CLASP2: variants seen among roughly 807,000 people sequenced by gnomAD.
CLASP2 encodes cytoplasmic linker associated protein 2.
CLASP2 carries 47 observed loss-of-function variants against 194.4 expected under a neutral mutation model. The ratio of observed to expected loss-of-function variants is 0.24; its 90% confidence interval spans 0.19 to 0.31. The LOEUF is 0.31. CLASP2 is among the 10% of genes least tolerant of loss of function. The probability of loss-of-function intolerance (pLI) is 1.00; values close to 1 mark genes in which losing one functional copy is unlikely to be tolerated. For synonymous variants in CLASP2, 619 were observed against 633.5 expected, an observed-to-expected ratio of 0.98 and a Z score of 0.34; for missense variants, 1,445 against 1,823.6, an observed-to-expected ratio of 0.79 and a Z score of 3.78.
intron 38 of CLASP2, among the ~76,000 whole-genome samples, chr3:33,499,517 T>C (rs1451869221): frequency 6.6e-6 from 1 of 151,898 alleles, no homozygotes; most frequent in South Asian, 2.1e-4. Context: ...GCCTGGCTAA[T>C]TTTTTATATT....
chr3:33,578,582 G>A (rs1040544397), intron 23 of CLASP2, among the ~76,000 whole-genome samples: 1 of 152,150 alleles, frequency 6.6e-6, no homozygotes, highest in Non-Finnish European at 1.5e-5. Context: ...CTAAGAGAAT[G>A]CTGCACAAAA....
intron 34 of CLASP2, among the ~76,000 whole-genome samples, chr3:33,529,580 T>A (rs573642914): frequency 6.6e-5 from 10 of 152,320 alleles, no homozygotes; most frequent in African/African-American, 2.4e-4. Flanking sequence ...TTTTTAAAAA[T>A]TTTTAAACTT....
intron 2 of CLASP2, among the ~76,000 whole-genome samples, chr3:33,690,638 T>C (rs1341829188): frequency 1.3e-5 from 2 of 152,196 alleles, no homozygotes; most frequent in Non-Finnish European, 2.9e-5. Flanking sequence ...CATGGCCAAC[T>C]GTGGTCTGAA....
chr3:33,526,016 G>A (rs758824371), intron 34 of CLASP2, among the ~76,000 whole-genome samples: 4 of 152,106 alleles, frequency 2.6e-5, no homozygotes, highest in Non-Finnish European at 4.4e-5. Flanking sequence ...ACCAGGGGGC[G>A]GAAGGGATTC....
intron 8 of CLASP2, 86 bp downstream of exon 8, chr3:33,644,671 A>C: frequency 2.8e-6 from 4 of 1,436,286 alleles, no homozygotes; most frequent in Non-Finnish European, 2.9e-6. Context: ...GTCATGAATA[A>C]ACATATTCCT....
intron 6 of CLASP2, among the ~76,000 whole-genome samples, chr3:33,679,753 A>C (rs1465846353): frequency 6.6e-6 from 1 of 152,218 alleles, no homozygotes; most frequent in Non-Finnish European, 1.5e-5. Context: ...GAGAATGTGA[A>C]GCAATAGGAA....
chr3:33,578,846 A>G (rs1196564339), intron 23 of CLASP2, among the ~76,000 whole-genome samples: 1 of 152,206 alleles, frequency 6.6e-6, no homozygotes, highest in Non-Finnish European at 1.5e-5. Flanking sequence ...CATGGAAACT[A>G]AAGGTGCAAG....
chr3:33,684,318 TG>T, intron 6 of CLASP2, 40 bp downstream of exon 6: 1 of 1,049,790 alleles, frequency 9.5e-7, no homozygotes, highest in Non-Finnish European at 1.4e-6. Flanking sequence ...TTAAAACTAG[TG>T]GTGAAAAAAA....
chr3:33,531,865 A>G (rs1437108276), intron 34 of CLASP2, among the ~76,000 whole-genome samples: 1 of 152,188 alleles, frequency 6.6e-6, no homozygotes, highest in Non-Finnish European at 1.5e-5. Context: ...AACAGCAACA[A>G]TGAAATAACT....
At chr3:33,636,241 G>A (rs956587800) in intron 8 of CLASP2, among the ~76,000 whole-genome samples, 1 of 152,096 alleles carries the variant, frequency 6.6e-6, no homozygotes, top group Non-Finnish European at 1.5e-5. Flanking sequence ...CAACAGAAGA[G>A]GGCCCTCTTA....
At chr3:33,591,730 A>G (rs2068845317) in intron 21 of CLASP2, among the ~76,000 whole-genome samples, 1 of 152,248 alleles carries the variant, frequency 6.6e-6, no homozygotes, top group African/African-American at 2.4e-5. Context: ...TGCTTATGAC[A>G]AACTCAGCTT....
chr3:33,573,148 T>C lies in CLASP2; in HGVS notation c.2661A>G (p.Leu887=). The C allele has an allele frequency of 6.2e-7, 1 of 1,613,754 alleles. No individual in the cohort carries two copies. Among genetic ancestry groups the C allele is most frequent in the Non-Finnish European group, 8.5e-7 (1 of 1,179,754 alleles). ...GATTTTTTAATAAGTTCTGCAGACC[T>C]AGGAGGCCTTCTTTCCTTTCTGACC... ...SNWSERKEGL[L]GLQNLLKNQR... is the part of the protein sequence containing the mutation. The change falls in exon 25 of 39, where the codon CTA becomes CTG. Residue 887 remains leucine, a synonymous_variant. Coordinates refer to ENST00000682230, the MANE Select transcript of CLASP2 (RefSeq NM_001365631.1).
chr3:33,640,747 T>C (rs1319133970), intron 8 of CLASP2, among the ~76,000 whole-genome samples: 1 of 152,046 alleles, frequency 6.6e-6, no homozygotes, highest in Non-Finnish European at 1.5e-5. Flanking sequence ...GATACAGGAA[T>C]AGGGATATTA....
At chr3:33,635,901 C>T (rs1466325266) in intron 8 of CLASP2, among the ~76,000 whole-genome samples, 1 of 151,942 alleles carries the variant, frequency 6.6e-6, no homozygotes, top group Admixed American at 6.6e-5. Flanking sequence ...ACAAATAACA[C>T]TTCAAATTTC....
chr3:33,539,087 C>T (rs2057885204), intron 32 of CLASP2, 145 bp from the exon 33 acceptor site: 2 of 556,640 alleles, frequency 3.6e-6, no homozygotes, highest in East Asian at 6.5e-5. Context: ...AAAATAGCAG[C>T]TATATATCAT....
chr3:33,602,696 C>G, intron 18 of CLASP2: 1 of 690,138 alleles, frequency 1.4e-6, no homozygotes, highest in Non-Finnish European at 2.6e-6. Context: ...GGTAGAAGTG[C>G]AGTTATGAAA....
At chr3:33,529,823 T>C (rs1401669509) in intron 34 of CLASP2, among the ~76,000 whole-genome samples, 2 of 151,148 alleles carry the variant, frequency 1.3e-5, no homozygotes, top group African/African-American at 2.4e-5. Context: ...CTACTAAAAA[T>C]ACAAAAAAGC....
At chr3:33,499,240 G>C (rs182542295) in intron 38 of CLASP2, among the ~76,000 whole-genome samples, 2 of 152,092 alleles carry the variant, frequency 1.3e-5, no homozygotes, top group Admixed American at 1.3e-4. Context: ...TGTGAAGAAG[G>C]ACATGTTTGC....
At chr3:33,513,112 T>C (rs561319562) in intron 36 of CLASP2, among the ~76,000 whole-genome samples, 2 of 152,334 alleles carry the variant, frequency 1.3e-5, no homozygotes, top group Admixed American at 6.5e-5. Flanking sequence ...TTTGTAGGGA[T>C]GCTACAGGCC....
Sources: gnomAD v4.1 joint callset for allele counts (sites outside exome capture counted in the v4.1 genomes callset) on GRCh38, gnomAD v4.1.1 for gene constraint, MANE v1.5 for transcripts, NCBI Gene and HGNC (gene_info 2026-07-23, HGNC 2026-07-21) for gene names.